Variants in PLCB1 observed in about 807,000 individuals in gnomAD.
The protein encoded by PLCB1 is 1-phosphatidylinositol 4,5-bisphosphate phosphodiesterase beta-1.
Under a neutral mutation model 161.8 loss-of-function variants are expected in PLCB1, and 46 were observed. The observed-to-expected ratio is 0.28, with a 90% CI of 0.22 to 0.36. The LOEUF (loss-of-function observed/expected upper bound fraction) is 0.36. Among genes scored for constraint, PLCB1 ranks in the 10% least tolerant of loss-of-function variants. The pLI, the probability that PLCB1 is intolerant of heterozygous loss-of-function variation, is 1.00. For synonymous variants in PLCB1, 517 were observed against 503.7 expected (o/e 1.03, Z -0.35); for missense variants, 1,016 against 1,472.5 (o/e 0.69, Z 5.07).
chr20:8,142,719 A>G (rs2051416542), intron 1 of PLCB1, among the ~76,000 whole-genome samples: 1 of 152,256 alleles, frequency 6.6e-6, no homozygotes, highest in South Asian at 2.1e-4. Flanking sequence ...AATGATTCAC[A>G]AAGAGAAAAA....
chr20:8,276,926 T>TTTCTTC (rs752434070), intron 2 of PLCB1, among the ~76,000 whole-genome samples: 2,423 of 104,570 alleles, frequency 0.023, 35 homozygotes, highest in Admixed American at 0.025. Context: ...GTCTTCTTCT[T>TTTCTTC]TTCTTCTTCT....
At chr20:8,221,903 T>A (rs116268506) in intron 2 of PLCB1, among the ~76,000 whole-genome samples, 394 of 152,228 alleles carry the variant, frequency 2.6e-3, no homozygotes, top group African/African-American at 8.8e-3. Context: ...AGCAAAAACA[T>A]CAAAATGTCT....
intron 2 of PLCB1, among the ~76,000 whole-genome samples, chr20:8,318,188 A>G (rs1452386751): frequency 6.6e-6 from 1 of 152,160 alleles, no homozygotes; most frequent in Non-Finnish European, 1.5e-5. Context: ...ATTTTTAGAC[A>G]GTGTATGATG....
At chr20:8,465,830 G>A (rs1236594) in intron 3 of PLCB1, among the ~76,000 whole-genome samples, 8 of 150,974 alleles carry the variant, frequency 5.3e-5, no homozygotes, top group East Asian at 2.0e-4. Context: ...AACAACAGGT[G>A]CTGGAGAGGA....
At chr20:8,690,183 C>T (rs1318977616) in intron 10 of PLCB1, among the ~76,000 whole-genome samples, 1 of 148,120 alleles carries the variant, frequency 6.8e-6, no homozygotes, top group African/African-American at 2.5e-5. Context: ...CTTTTCTGAG[C>T]TCTGTATTAT....
chr20:8,137,629 A>C (rs1368849140), intron 1 of PLCB1, among the ~76,000 whole-genome samples: 1 of 152,216 alleles, frequency 6.6e-6, no homozygotes, highest in Non-Finnish European at 1.5e-5. Flanking sequence ...ACATGCGTAC[A>C]ACAAAACACA....
At position 8,457,714 on chromosome 20, in the gene PLCB1, G is replaced by GCGCGCACACA. The variant is rs1555808428; in HGVS notation, c.246+86265_246+86266insGCGCACACAC. Reference sequence around the variant, plus strand: ...CTACTTATACCCCTAATGTGTGCGCGCACACACACACACACACACACACAC... The same window carrying GCGCGCACACA: ...CTACTTATACCCCTAATGTGTGCGCGCGCGCACACACACACACACACACACACACACACAC... On this transcript the variant is annotated intron_variant, in intron 3 of 31. Coordinates refer to ENST00000338037, the MANE Select transcript of PLCB1 (RefSeq NM_015192.4). Among the ~76,000 whole-genome samples, 26 of 145,858 alleles carry GCGCGCACACA rather than the reference G, an allele frequency of 1.8e-4. No homozygotes were observed. In the East Asian group the frequency reaches 2.2e-3, roughly 12 times the overall value.
intron 2 of PLCB1, among the ~76,000 whole-genome samples, chr20:8,204,460 A>G (rs747761822): frequency 6.6e-6 from 1 of 152,038 alleles, no homozygotes; most frequent in African/African-American, 2.4e-5. Context: ...CTGGGCTCCA[A>G]TCTCGGGTTG....
chr20:8,840,549 A>T (rs532945710), intron 31 of PLCB1, among the ~76,000 whole-genome samples: 106 of 152,304 alleles, frequency 7.0e-4, no homozygotes, highest in African/African-American at 2.4e-3. Flanking sequence ...GGCTTGAGCA[A>T]ATGGTCTCAG....
chr20:8,616,472 G>A (rs556843236), intron 3 of PLCB1, among the ~76,000 whole-genome samples: 1 of 152,220 alleles, frequency 6.6e-6, no homozygotes, highest in African/African-American at 2.4e-5. Context: ...AATTATGTTA[G>A]ACTCACCTAC....
intron 11 of PLCB1, among the ~76,000 whole-genome samples, chr20:8,703,620 G>T (rs948050054): frequency 1.3e-5 from 2 of 152,150 alleles, no homozygotes; most frequent in Admixed American, 1.3e-4. Flanking sequence ...CTGCAAACAT[G>T]AGTCCTAAGC....
At chr20:8,703,796 TGGG>T (rs1220957216) in intron 11 of PLCB1, among the ~76,000 whole-genome samples, 1 of 152,172 alleles carries the variant, frequency 6.6e-6, no homozygotes, top group African/African-American at 2.4e-5. Context: ...GCCAGGAAGA[TGGG>T]GGGCATGGAC....
In PLCB1 at chr20:8,161,433, C is replaced by T. The variant is rs1345920640; in HGVS notation, c.177+11062C>T. 2.6e-5 allele frequency among the ~76,000 whole-genome samples: 4 copies of T among 152,178 alleles called. 1 individual carries two copies. Among genetic ancestry groups the T allele is most frequent in the Admixed American group, 1.3e-4 (2 of 15,282 alleles). ...ACTGAAGTGTGAACAGAGGTTATGT[C>T]ATGATCCCTGGTTGTACAGTTGGTT... On this transcript the variant is annotated intron_variant, in intron 2 of 31. Coordinates refer to ENST00000338037, the MANE Select transcript of PLCB1 (RefSeq NM_015192.4).
At chr20:8,466,724 C>T (rs1477962306) in intron 3 of PLCB1, among the ~76,000 whole-genome samples, 6 of 151,990 alleles carry the variant, frequency 3.9e-5, no homozygotes, top group Admixed American at 6.6e-5. Context: ...GACTGAGCTC[C>T]GTAAAATTTT....
chr20:8,858,850 T>C (rs544370503), intron 31 of PLCB1, among the ~76,000 whole-genome samples: 1 of 149,284 alleles, frequency 6.7e-6, no homozygotes, highest in South Asian at 2.1e-4. Context: ...AAGAAGGCCA[T>C]TCCCTTTTTC....
chr20:8,820,916 A>G (rs1012702732), intron 31 of PLCB1, among the ~76,000 whole-genome samples: 2 of 152,086 alleles, frequency 1.3e-5, no homozygotes, highest in African/African-American at 4.8e-5. Context: ...ATAAGTTTAA[A>G]AGCATGCAAA....
Position 8,737,514 on chromosome 20 carries a change from G to A in PLCB1, c.2208+322G>A, listed in dbSNP as rs111773666. 6.5e-3 allele frequency among the ~76,000 whole-genome samples: 987 copies of A among 152,262 alleles called. 9 individuals carry two copies. The highest frequency in any genetic ancestry group is 0.022 in the African/African-American group (916 of 41,554). On this transcript the variant is annotated intron_variant, in intron 20 of 31. Coordinates refer to ENST00000338037, the MANE Select transcript of PLCB1 (RefSeq NM_015192.4). The stretch of plus-strand genomic sequence containing the variant: ...AATTATAACTCAAAGAAGTAGAGTG[G>A]AAGTAGGGAATAATATAGTGGCTGA...
At chr20:8,611,705 A>G (rs1474437294) in intron 3 of PLCB1, among the ~76,000 whole-genome samples, 2 of 152,024 alleles carry the variant, frequency 1.3e-5, no homozygotes, top group Non-Finnish European at 2.9e-5. Context: ...ACATTCAGGG[A>G]CTCTTCAATC....
intron 20 of PLCB1, among the ~76,000 whole-genome samples, chr20:8,738,739 C>T (rs1216693618): frequency 6.6e-6 from 1 of 152,166 alleles, no homozygotes; most frequent in Admixed American, 6.5e-5. Context: ...GGTGATAAAA[C>T]ATAGATGAAG....
Sources: allele counts gnomAD v4.1 joint callset (sites outside exome capture counted in the v4.1 genomes callset), GRCh38; gene constraint gnomAD v4.1.1; transcripts MANE v1.5; gene names NCBI Gene and HGNC (gene_info 2026-07-23, HGNC 2026-07-21).